Variants in CYP39A1 observed in about 807,000 individuals in gnomAD.
CYP39A1 encodes 24-hydroxycholesterol 7-alpha-hydroxylase.
In CYP39A1, 49 loss-of-function variants were observed where a neutral mutation model predicts 58.1. The observed-to-expected ratio is 0.84, with a 90% CI of 0.67 to 1.07. The LOEUF (loss-of-function observed/expected upper bound fraction) is 1.07, where lower values mean the gene tolerates loss of function less well. CYP39A1 is among the 50% of genes least tolerant of loss of function. The probability of loss-of-function intolerance (pLI) is 0.00; values close to 1 mark genes in which losing one functional copy is unlikely to be tolerated. For synonymous variants in CYP39A1, 209 were observed against 187.6 expected (o/e 1.11, Z -0.93); for missense variants, 531 against 539.4 (o/e 0.98, Z 0.16).
chr6:46,647,293 A>G (rs1342281374), intron 1 of CYP39A1, among the ~76,000 whole-genome samples: 1 of 152,216 alleles, frequency 6.6e-6, no homozygotes, highest in African/African-American at 2.4e-5. Context: ...TGTATCATCC[A>G]AACACTAACC....
chr6:46,636,524 CT>C, intron 4 of CYP39A1, 42 bp from the exon 5 acceptor site: 1 of 1,302,814 alleles, frequency 7.7e-7, no homozygotes, highest in Non-Finnish European at 1.1e-6. Flanking sequence ...TTGGAAAGCA[CT>C]TTAGGAATAA....
rs557121919 is a variant in CYP39A1 at position 46,634,741 on chromosome 6, C to T, written c.732+1648G>A. Among the ~76,000 whole-genome samples the T allele has an allele frequency of 1.8e-4, 27 of 152,148 alleles. No individual in the cohort carries two copies. In the East Asian group the frequency reaches 4.1e-3, roughly 23 times the overall value. On this transcript the variant is annotated intron_variant, in intron 5 of 11. Coordinates refer to ENST00000275016, the MANE Select transcript of CYP39A1 (RefSeq NM_016593.5). ...TTCACCATGTTCGCCAGGCTGATCT[C>T]GAACTTCTGACCTTAGGTGATCCAC... is the stretch of plus-strand genomic sequence containing the variant.
chr6:46,627,947 C>T (rs1465951675), intron 6 of CYP39A1, among the ~76,000 whole-genome samples: 3 of 152,072 alleles, frequency 2.0e-5, no homozygotes, highest in African/African-American at 7.2e-5. Context: ...TAAAACAGTT[C>T]AAGTCCAAGG....
chr6:46,570,496 G>T (rs2150493368), intron 10 of CYP39A1, among the ~76,000 whole-genome samples: 1 of 152,106 alleles, frequency 6.6e-6, no homozygotes, highest in South Asian at 2.1e-4. Flanking sequence ...AACTGTGTTT[G>T]ATGCATTCTG....
intron 5 of CYP39A1, among the ~76,000 whole-genome samples, chr6:46,631,850 TCGGG>T (rs1775679567): frequency 6.6e-6 from 1 of 152,226 alleles, no homozygotes; most frequent in African/African-American, 2.4e-5. Flanking sequence ...ATTTTCTTCA[TCGGG>T]CGGTTTCCCC....
chr6:46,620,638 A>G (rs1051246091), intron 7 of CYP39A1, among the ~76,000 whole-genome samples: 6 of 151,716 alleles, frequency 4.0e-5, no homozygotes, highest in East Asian at 1.9e-4. Flanking sequence ...GAAGGCCACA[A>G]GCTGTCATGT....
intron 7 of CYP39A1, among the ~76,000 whole-genome samples, chr6:46,619,533 G>C (rs1359041083): frequency 6.6e-6 from 1 of 152,036 alleles, no homozygotes; most frequent in Non-Finnish European, 1.5e-5. Flanking sequence ...ACCAAGGGCA[G>C]AGTTGGGGAA....
At chr6:46,567,646 T>C (rs1771367697) in intron 10 of CYP39A1, among the ~76,000 whole-genome samples, 1 of 152,132 alleles carries the variant, frequency 6.6e-6, no homozygotes, top group South Asian at 2.1e-4. Flanking sequence ...TTTCTTTGTT[T>C]ACGGTAGTCA....
intron 10 of CYP39A1, among the ~76,000 whole-genome samples, chr6:46,576,641 A>C (rs1408245764): frequency 6.6e-6 from 1 of 152,234 alleles, no homozygotes; most frequent in African/African-American, 2.4e-5. Context: ...CATTTTAACA[A>C]AGAACCAAAC....
intron 7 of CYP39A1, among the ~76,000 whole-genome samples, chr6:46,602,778 G>A (rs1019578769): frequency 2.0e-5 from 3 of 151,254 alleles, no homozygotes; most frequent in African/African-American, 7.3e-5. Context: ...GATAGTCTAG[G>A]CTTAAAGCAG....
In CYP39A1 at chr6:46,652,484, CTTGAT is replaced by C; in HGVS notation, c.94_98del (p.Ile32GlyfsTer11). The C allele has an allele frequency of 1.2e-6, 2 of 1,613,976 alleles. No individual in the cohort carries two copies. The highest frequency in any genetic ancestry group is 1.7e-5 in the Admixed American group (1 of 60,014). ...CAACTCCAATCCAAGGAATCCAGCC[CTTGAT>C]GCACGGGGGTCTACGCAAATTCTTC... is the stretch of plus-strand genomic sequence containing the variant. On this transcript the variant is annotated frameshift_variant, in exon 1 of 12. Transcript: ENST00000275016. LOFTEE classifies it high-confidence loss of function.
In CYP39A1 at chr6:46,587,072, C is replaced by T. The variant is rs1772511405; in HGVS notation, c.1250+5G>A. Reference sequence around the variant, plus strand: ...GGATAAATGTGGCCCAGCTGTCTCACTGACCTTGCAGGACACTGGAACTTC... The same window carrying T: ...GGATAAATGTGGCCCAGCTGTCTCATTGACCTTGCAGGACACTGGAACTTC... On this transcript the variant is annotated splice_donor_5th_base_variant and intron_variant, in intron 10 of 11. Coordinates refer to ENST00000275016, the MANE Select transcript of CYP39A1 (RefSeq NM_016593.5). The T allele has an allele frequency of 6.2e-7, 1 of 1,607,188 alleles. No homozygotes were observed. The highest frequency in any genetic ancestry group is 8.5e-7 in the Non-Finnish European group (1 of 1,175,326).
At chr6:46,557,933 C>CAAAAAAAAAAAAAAAAA (rs1186594398) in intron 10 of CYP39A1, among the ~76,000 whole-genome samples, 1 of 37,626 alleles carries the variant, frequency 2.7e-5, no homozygotes, top group African/African-American at 9.9e-5. Context: ...GACTCCATCT[C>CAAAAAAAAAAAAAAAAA]AAAAAAAAAA....
In CYP39A1 at chr6:46,588,059, A is replaced by G. The variant is rs1213737902; in HGVS notation, c.1136T>C (p.Phe379Ser). 2 of 1,586,880 alleles carry G rather than the reference A, an allele frequency of 1.3e-6. No individual in the cohort carries two copies. The highest frequency in any genetic ancestry group is 1.7e-6 in the Non-Finnish European group (2 of 1,165,068). The change falls in exon 9 of 12, where the codon TTT (phenylalanine) becomes TCT (serine). Residue 379 changes from phenylalanine (F) to serine (S), a missense_variant. Transcript: ENST00000275016. ...PFWLHRNPKY[F>S]PEPELFKPER... ...AGGTTTGAACAATTCAGGCTCAGGA[A>G]AATACTTTGGATTTCTATGCAGCCA...
rs562779377 is a variant in CYP39A1 at position 46,610,145 on chromosome 6, T to G, written c.932-14025A>C. ...ATGTGAAACAATTTTTTAAAAAAAC[T>G]ATTTACCCACAGTTTTAGTTTTGAA... On this transcript the variant is annotated intron_variant, in intron 7 of 11. Coordinates refer to ENST00000275016, the MANE Select transcript of CYP39A1 (RefSeq NM_016593.5). Among the ~76,000 whole-genome samples the G allele has an allele frequency of 2.0e-5, 3 of 152,366 alleles. No homozygotes were observed. The South Asian group carries it at 6.2e-4, about 32-fold the overall frequency.
At chr6:46,598,098 G>A (rs1157679798) in intron 7 of CYP39A1, among the ~76,000 whole-genome samples, 3 of 152,166 alleles carry the variant, frequency 2.0e-5, no homozygotes, top group East Asian at 3.9e-4. Context: ...GATGTCAAAC[G>A]TATGAAGGAG....
At chr6:46,594,359 C>A (rs951448530) in intron 8 of CYP39A1, among the ~76,000 whole-genome samples, 1 of 151,856 alleles carries the variant, frequency 6.6e-6, no homozygotes, top group Non-Finnish European at 1.5e-5. Context: ...CTACAAAAGA[C>A]CCTTGAACAA....
chr6:46,646,057 C>T (rs915622279), intron 1 of CYP39A1, among the ~76,000 whole-genome samples: 4 of 152,022 alleles, frequency 2.6e-5, no homozygotes, highest in Admixed American at 6.6e-5. Flanking sequence ...ATCATGTAAT[C>T]TGCAAATTAA....
Position 46,550,096 on chromosome 6 carries a change from C to T in CYP39A1, c.*270G>A, listed in dbSNP as rs1056288339. ...ATACAGTTATGCATGAAATCAAATT[C>T]CAACTTCTTAAAAAATGTGGAGTTT... On this transcript the variant is annotated 3_prime_UTR_variant, in exon 12 of 12. Coordinates refer to ENST00000275016, the MANE Select transcript of CYP39A1 (RefSeq NM_016593.5). 3 of 309,490 alleles carry T rather than the reference C, an allele frequency of 9.7e-6. No homozygotes were observed. In the Admixed American group the frequency reaches 1.5e-4, roughly 15 times the overall value. The allele number at this position is 309,490 out of a possible 1,614,324, so 19.2% of individuals were successfully genotyped here. A position where few individuals can be genotyped will look rare whatever the true frequency, so the allele number is the denominator to read the frequency against.
Sources: allele counts gnomAD v4.1 joint callset (sites outside exome capture counted in the v4.1 genomes callset), GRCh38; gene constraint gnomAD v4.1.1; transcripts MANE v1.5; gene names NCBI Gene and HGNC (gene_info 2026-07-23, HGNC 2026-07-21).